The following AMD1 variants were observed in gnomAD, a reference collection of about 807,000 sequenced individuals.
AMD1 encodes the protein adenosylmethionine decarboxylase 1, also known as S-adenosylmethionine decarboxylase proenzyme.
In AMD1, 11 loss-of-function variants were observed where a neutral mutation model predicts 40.2. The ratio of observed to expected loss-of-function variants is 0.27; its 90% CI spans 0.17 to 0.45. The LOEUF (loss-of-function observed/expected upper bound fraction) is 0.45. Among genes scored for constraint, AMD1 ranks in the 20% least tolerant of loss-of-function variants. AMD1 has a pLI of 1.00. For synonymous variants in AMD1, 121 were observed against 130.8 expected, an observed-to-expected ratio of 0.93 and a Z score of 0.51; for missense variants, 257 against 410.2, an observed-to-expected ratio of 0.63 and a Z score of 3.23.
chr6:110,858,008 A>AT, the AMD1 span, among the ~76,000 whole-genome samples: 7 of 150,348 alleles, frequency 4.7e-5, no homozygotes, highest in African/African-American at 7.3e-5. Flanking sequence ...ATAACTTATT[A>AT]TTTTTTTTTC....
intron 1 of AMD1, among the ~76,000 whole-genome samples, chr6:110,876,934 GGAA>G (rs753041201): frequency 9.2e-5 from 14 of 152,100 alleles, no homozygotes; most frequent in African/African-American, 1.7e-4. Flanking sequence ...CTTAATAAAG[GGAA>G]GAAGATTTTG....
the AMD1 span, among the ~76,000 whole-genome samples, chr6:110,821,336 C>T: frequency 2.2e-4 from 33 of 152,190 alleles, no homozygotes; most frequent in Admixed American, 1.6e-3. Flanking sequence ...CAGTGGCTCA[C>T]GCCTGTAATC....
intron 1 of AMD1, among the ~76,000 whole-genome samples, chr6:110,876,539 C>G (rs561345320): frequency 6.6e-6 from 1 of 152,188 alleles, no homozygotes; most frequent in East Asian, 1.9e-4. Context: ...GACGGGAAAC[C>G]CGGTTTCTAG....
chr6:110,819,443 G>T, the AMD1 span, among the ~76,000 whole-genome samples: 1 of 152,160 alleles, frequency 6.6e-6, no homozygotes, highest in South Asian at 2.1e-4. Flanking sequence ...AATTATTTAG[G>T]AGTAAAATTT....
chr6:110,833,831 T>C, the AMD1 span, among the ~76,000 whole-genome samples: 5 of 152,074 alleles, frequency 3.3e-5, no homozygotes, highest in African/African-American at 1.2e-4. Context: ...CTGGGCAACA[T>C]AGTGAGATCC....
chr6:110,830,664 A>T, the AMD1 span, among the ~76,000 whole-genome samples: 3 of 152,316 alleles, frequency 2.0e-5, 1 homozygote, highest in East Asian at 5.8e-4. Context: ...AAGGAGCAGT[A>T]CCTCTGCTGC....
chr6:110,836,824 G>A, the AMD1 span, among the ~76,000 whole-genome samples: 3 of 151,966 alleles, frequency 2.0e-5, no homozygotes, highest in African/African-American at 7.3e-5. Flanking sequence ...TTATTTATAG[G>A]CTGGTGAAGA....
At chr6:110,855,996 A>G in the AMD1 span, among the ~76,000 whole-genome samples, 1 of 152,094 alleles carries the variant, frequency 6.6e-6, no homozygotes, top group East Asian at 1.9e-4. Context: ...AGGAGGATTA[A>G]TTGAGCCTGG....
chr6:110,823,778 A>G, the AMD1 span, among the ~76,000 whole-genome samples: 1 of 152,166 alleles, frequency 6.6e-6, no homozygotes, highest in African/African-American at 2.4e-5. Context: ...ACAATATCTG[A>G]AAAAAATAAA....
the AMD1 span, among the ~76,000 whole-genome samples, chr6:110,853,454 C>T: frequency 2.0e-5 from 3 of 151,902 alleles, no homozygotes; most frequent in Admixed American, 1.3e-4. Flanking sequence ...ACTACAGGCG[C>T]GAGCCACCAT....
intron 2 of AMD1, chr6:110,888,243 A>C (rs1185377994): frequency 3.9e-5 from 6 of 152,218 alleles, no homozygotes; most frequent in African/African-American, 7.2e-5. Flanking sequence ...AATTTATTCC[A>C]TAAATACTTT....
intron 1 of AMD1, among the ~76,000 whole-genome samples, chr6:110,884,179 C>CACTG (rs1226667708): frequency 4.6e-5 from 7 of 152,208 alleles, no homozygotes; most frequent in African/African-American, 1.7e-4. Context: ...ACAAACCTGA[C>CACTG]ACTGGAACCA....
Position 110,875,064 on chromosome 6 carries a change from T to G in AMD1, c.-42T>G. 2.7e-6 allele frequency: 4 copies of G among 1,501,108 alleles called. No homozygotes were observed. The highest frequency in any genetic ancestry group is 3.7e-6 in the Non-Finnish European group (4 of 1,092,240). 93.0% of individuals were successfully genotyped at this position (1,501,108 alleles called of 1,614,324 possible). On this transcript the variant is annotated 5_prime_UTR_variant, in exon 1 of 9. Coordinates refer to ENST00000368885, the MANE Select transcript of AMD1 (RefSeq NM_001634.6). ...CGGCGGGAGAAGAGGTTTAATTTAG[T>G]TGATTTTCTGTGGTTGTTGGTTGTT...
the AMD1 span, among the ~76,000 whole-genome samples, chr6:110,828,904 G>A: frequency 6.6e-6 from 1 of 152,190 alleles, no homozygotes. Flanking sequence ...GGGCGCGGTG[G>A]TTCACGCCTG....
In AMD1 at chr6:110,895,085, C is replaced by G. The variant is rs1391055144; in HGVS notation, c.*1469C>G. Reference sequence around the variant, plus strand: ...GGATTTTAAGGAACTGAGAAAACAGCAAAGTTGACTAAATTTTATATTTCT... The same window carrying G: ...GGATTTTAAGGAACTGAGAAAACAGGAAAGTTGACTAAATTTTATATTTCT... On this transcript the variant is annotated 3_prime_UTR_variant, in exon 9 of 9. Transcript: ENST00000368885. 6.6e-6 allele frequency: 1 copy of G among 152,166 alleles called. No individual in the cohort carries two copies. Among genetic ancestry groups the G allele is most frequent in the Non-Finnish European group, 1.5e-5 (1 of 68,026 alleles). The allele number at this position is 152,166 out of a possible 1,614,324, so 9.4% of individuals were successfully genotyped here.
chr6:110,863,899 G>A, the AMD1 span: 2 of 499,324 alleles, frequency 4.0e-6, no homozygotes, highest in South Asian at 1.5e-5. Context: ...GTCCAGGAAT[G>A]TATTTCACAT....
chr6:110,814,807 G>A, the AMD1 span: 10 of 706,814 alleles, frequency 1.4e-5, no homozygotes, highest in South Asian at 1.4e-4. Context: ...TGCGCCGCGG[G>A]AGTTCGAGGT....
At chr6:110,814,799 C>T in the AMD1 span, 2 of 693,734 alleles carry the variant, frequency 2.9e-6, no homozygotes, top group South Asian at 1.5e-5. Context: ...GACCGGGCTG[C>T]GCCGCGGGAG....
chr6:110,857,614 TATATA>T, the AMD1 span, among the ~76,000 whole-genome samples: 1 of 146,536 alleles, frequency 6.8e-6, no homozygotes, highest in Non-Finnish European at 1.5e-5. Flanking sequence ...ATATGGTATA[TATATA>T]GGTGGTATAT....
Sources: gnomAD v4.1 joint callset for allele counts (sites outside exome capture counted in the v4.1 genomes callset) on GRCh38, gnomAD v4.1.1 for gene constraint, MANE v1.5 for transcripts, NCBI Gene and HGNC (gene_info 2026-07-23, HGNC 2026-07-21) for gene names.